The following MAP3K2 variants were observed in gnomAD, a reference collection of about 807,000 sequenced individuals.
MAP3K2 encodes mitogen-activated protein kinase kinase kinase 2.
MAP3K2 carries 24 observed loss-of-function variants against 80.3 expected under a neutral mutation model. The ratio of observed to expected loss-of-function variants is 0.30; its 90% CI spans 0.22 to 0.42. The LOEUF (loss-of-function observed/expected upper bound fraction) is 0.42. MAP3K2 is among the 10% of genes least tolerant of loss of function. The pLI, the probability that MAP3K2 is intolerant of heterozygous loss-of-function variation, is 1.00. For missense variants in MAP3K2, 608 were observed against 750.1 expected, an observed-to-expected ratio of 0.81 and a Z score of 2.21; for synonymous variants, 244 against 253.7, an observed-to-expected ratio of 0.96 and a Z score of 0.36.
intron 8 of MAP3K2, among the ~76,000 whole-genome samples, 158 bp from the exon 9 acceptor site, chr2:127,325,965 CCTCA>C (rs1222948991): frequency 2.0e-5 from 3 of 152,096 alleles, no homozygotes; most frequent in Admixed American, 6.6e-5. Flanking sequence ...GTTGTGCAAC[CCTCA>C]CTCACAATTT....
At chr2:127,355,823 A>C (rs972742212) in intron 1 of MAP3K2, among the ~76,000 whole-genome samples, 3 of 152,148 alleles carry the variant, frequency 2.0e-5, no homozygotes, top group Non-Finnish European at 2.9e-5. Flanking sequence ...CTTTTTCCAA[A>C]ATAGGAATCA....
At chr2:127,331,538 T>C (rs1441435004) in intron 5 of MAP3K2, among the ~76,000 whole-genome samples, 4 of 152,232 alleles carry the variant, frequency 2.6e-5, no homozygotes, top group African/African-American at 7.2e-5. Flanking sequence ...AAAAGCTCAA[T>C]CTGAACCCAA....
chr2:127,371,586 T>C (rs1473780409), intron 1 of MAP3K2, among the ~76,000 whole-genome samples: 2 of 152,068 alleles, frequency 1.3e-5, no homozygotes, highest in African/African-American at 2.4e-5. Flanking sequence ...CAACAAGCAA[T>C]GCATGCAATC....
At chr2:127,349,650 T>G (rs1439641879) in intron 1 of MAP3K2, among the ~76,000 whole-genome samples, 2 of 152,154 alleles carry the variant, frequency 1.3e-5, no homozygotes, top group Non-Finnish European at 2.9e-5. Flanking sequence ...CTTATAAAGT[T>G]GGACAAAGCT....
At position 127,323,953 on chromosome 2, in the gene MAP3K2, T is replaced by A. The variant is rs1443997050; in HGVS notation, c.787A>T (p.Thr263Ser). 6.4e-7 allele frequency: 1 copy of A among 1,566,938 alleles called. No individual in the cohort carries two copies. Among genetic ancestry groups the A allele is most frequent in the Non-Finnish European group, 8.7e-7 (1 of 1,148,424 alleles). ...PIFEKFGKGG[T>S]YPRRYHVSYH... ...GAAACATGATACCTTCTTGGATATGTTCCTCCTTTTCCAAATTTCTCAAAG... is the reference window on the plus strand; with the variant it reads ...GAAACATGATACCTTCTTGGATATGATCCTCCTTTTCCAAATTTCTCAAAG... The change falls in exon 11 of 17, where the codon ACA becomes TCA. Residue 263 changes from threonine to serine, a missense_variant. Thr to Ser is a moderately conservative substitution (Grantham distance 58). Around this residue, in one of 4 missense-constraint regions of MAP3K2, gnomAD observed 467 missense variants for 521.9 expected, o/e 0.89. Coordinates refer to ENST00000682094, the MANE Select transcript of MAP3K2 (RefSeq NM_001371910.2).
intron 14 of MAP3K2, among the ~76,000 whole-genome samples, chr2:127,315,744 G>C (rs1685889170): frequency 6.6e-6 from 1 of 152,128 alleles, no homozygotes; most frequent in Non-Finnish European, 1.5e-5. Context: ...TTCAAGACCA[G>C]CCTGGCCAAC....
intron 12 of MAP3K2, 126 bp from the exon 13 acceptor site, chr2:127,318,443 T>C (rs1685950765): frequency 5.9e-6 from 4 of 678,360 alleles, no homozygotes; most frequent in Non-Finnish European, 8.5e-6. Flanking sequence ...GGAAAAATTA[T>C]GATTATCCAA....
intron 15 of MAP3K2, among the ~76,000 whole-genome samples, chr2:127,312,005 A>G (rs1330522385): frequency 2.0e-5 from 3 of 152,162 alleles, no homozygotes; most frequent in South Asian, 2.1e-4. Flanking sequence ...TCTGTCCTAT[A>G]TGTATATTAC....
intron 2 of MAP3K2, among the ~76,000 whole-genome samples, chr2:127,342,703 C>T (rs1300135888): frequency 5.3e-5 from 8 of 151,650 alleles, no homozygotes; most frequent in Admixed American, 5.3e-4. Context: ...AATATGTAAA[C>T]TGAACATACA....
At chr2:127,376,839 G>T (rs965753867) in intron 1 of MAP3K2, among the ~76,000 whole-genome samples, 8 of 152,140 alleles carry the variant, frequency 5.3e-5, no homozygotes, top group Non-Finnish European at 1.2e-4. Flanking sequence ...TCTGAGACAG[G>T]AGGATCGCTT....
chr2:127,370,815 G>C (rs1359522831), intron 1 of MAP3K2, among the ~76,000 whole-genome samples: 1 of 152,174 alleles, frequency 6.6e-6, no homozygotes, highest in Non-Finnish European at 1.5e-5. Context: ...AAAGGGGAGG[G>C]AGGAGGAACC....
At chr2:127,320,339 G>A (rs781532208) in intron 12 of MAP3K2, among the ~76,000 whole-genome samples, 34 of 152,152 alleles carry the variant, frequency 2.2e-4, no homozygotes, top group Non-Finnish European at 3.4e-4. Flanking sequence ...AACAATGACA[G>A]AAGTTAAGAA....
chr2:127,387,420 A>G (rs1687383377), intron 1 of MAP3K2, 32 bp downstream of exon 1: 5 of 966,628 alleles, frequency 5.2e-6, no homozygotes, highest in South Asian at 4.8e-5. Context: ...ACACACACAC[A>G]CAAGCGCGCG....
intron 14 of MAP3K2, among the ~76,000 whole-genome samples, chr2:127,315,628 TC>T (rs1328490998): frequency 6.6e-6 from 1 of 152,224 alleles, no homozygotes; most frequent in Non-Finnish European, 1.5e-5. Flanking sequence ...CTACTGTGTC[TC>T]TACTTGTAGT....
intron 1 of MAP3K2, among the ~76,000 whole-genome samples, chr2:127,370,358 G>A (rs1057512536): frequency 1.3e-5 from 2 of 152,164 alleles, no homozygotes; most frequent in African/African-American, 2.4e-5. Flanking sequence ...CAGGGTCTGC[G>A]GGTCGGACCC....
intron 1 of MAP3K2, among the ~76,000 whole-genome samples, chr2:127,371,071 A>G (rs1687055710): frequency 6.6e-6 from 1 of 152,226 alleles, no homozygotes; most frequent in Non-Finnish European, 1.5e-5. Context: ...TAATGCTTAT[A>G]AAAAGCTAAG....
chr2:127,330,229 TGAG>T (rs764466638), intron 6 of MAP3K2, among the ~76,000 whole-genome samples, 160 bp downstream of exon 6: 4 of 152,204 alleles, frequency 2.6e-5, no homozygotes, highest in African/African-American at 7.2e-5. Context: ...CTGTGGTTTT[TGAG>T]GAGTAAGGAT....
chr2:127,380,535 T>C (rs1039315588), intron 1 of MAP3K2, among the ~76,000 whole-genome samples: 2 of 152,128 alleles, frequency 1.3e-5, no homozygotes, highest in African/African-American at 2.4e-5. Flanking sequence ...ACCAGTAAGC[T>C]AGTGACAGTA....
intron 12 of MAP3K2, among the ~76,000 whole-genome samples, chr2:127,320,262 T>C (rs1464349333): frequency 6.6e-6 from 1 of 152,118 alleles, no homozygotes; most frequent in African/African-American, 2.4e-5. Flanking sequence ...ACAACATGCA[T>C]GAACAGATGG....
Sources: allele counts gnomAD v4.1 joint callset (sites outside exome capture counted in the v4.1 genomes callset), GRCh38; gene constraint gnomAD v4.1.1; regional missense constraint gnomAD v4.1.1; transcripts MANE v1.5; gene names NCBI Gene and HGNC (gene_info 2026-07-23, HGNC 2026-07-21).